Variants in SSC5D observed in about 807,000 individuals in gnomAD.
The protein encoded by SSC5D is soluble scavenger receptor cysteine-rich domain-containing protein SSC5D.
SSC5D carries 106 observed loss-of-function variants against 104.6 expected under a neutral mutation model. The observed-to-expected ratio is 1.01, with a 90% CI of 0.87 to 1.19. SSC5D has a LOEUF of 1.19. SSC5D is among the 50% of genes most tolerant of loss of function. SSC5D has a pLI of 0.00. For missense variants in SSC5D, 1,993 were observed against 2,153.8 expected (o/e 0.93, Z 1.48); for synonymous variants, 860 against 883.5 (o/e 0.97, Z 0.47).
chr19:55,500,668 C>T lies in SSC5D; in HGVS notation c.2481C>T (p.Tyr827=), dbSNP rs61738388. Residue 827 remains tyrosine (Y), a synonymous_variant, in exon 11 of 14, where the codon TAC becomes TAT. Transcript: ENST00000389623. This position sits in a 1 kb window ranked among gnomAD's most constrained non-coding sequence, Gnocchi z 4.6. ...KVRPRVGKTH[Y]GPGTGPIWLD... Reference sequence around the variant, plus strand: ...GGCCTCGAGTAGGCAAAACCCATTACGGCCCTGGGACTGGGCCCATCTGGC... The same window carrying T: ...GGCCTCGAGTAGGCAAAACCCATTATGGCCCTGGGACTGGGCCCATCTGGC... The T allele has an allele frequency of 9.3e-4, 1,448 of 1,551,720 alleles. 10 individuals carry two copies. In the African/African-American group the frequency reaches 0.017, roughly 18 times the overall value.
chr19:55,511,650 C>T lies in SSC5D; in HGVS notation c.2786-1361C>T, dbSNP rs544723221. The stretch of plus-strand genomic sequence containing the variant: ...GTGGAAGCAGGCATGTCTCCCTAAA[C>T]ACTGCAAACCTGCCCTCCTAACTCA... On this transcript the variant is annotated intron_variant, in intron 12 of 13. Coordinates refer to ENST00000389623, the MANE Select transcript of SSC5D (RefSeq NM_001144950.2). Among the ~76,000 whole-genome samples the T allele has an allele frequency of 4.6e-5, 7 of 152,286 alleles. No homozygotes were observed. The South Asian group carries it at 1.5e-3, about 32-fold the overall frequency.
At chr19:55,514,454 TAA>T (rs760410120) in intron 13 of SSC5D, among the ~76,000 whole-genome samples, 16,311 of 51,632 alleles carry the variant, frequency 0.32, 1,988 homozygotes, top group African/African-American at 0.5. Flanking sequence ...ATAATAATAA[TAA>T]TAGGTGTGGT....
intron 13 of SSC5D, among the ~76,000 whole-genome samples, chr19:55,515,396 C>CAAAA (rs71181781): frequency 1.2e-3 from 106 of 86,544 alleles, no homozygotes; most frequent in African/African-American, 5.1e-3. Flanking sequence ...AACTCCGTCT[C>CAAAA]AAAAAAAAAA....
intron 8 of SSC5D, 81 bp from the exon 9 acceptor site, chr19:55,497,799 G>C: frequency 7.7e-7 from 1 of 1,295,326 alleles, no homozygotes; most frequent in Non-Finnish European, 1.0e-6. Flanking sequence ...AAAGGAAGAT[G>C]GGGGGAGGGA....
rs952221512 is a variant in SSC5D, at chr19:55,518,888, C to T, written c.4612C>T (p.Leu1538=). ...LVEAARGLGQ[L]GEAVKRLAEM... is the part of the protein sequence containing the mutation. ...AGAAGCTGCCCGGGGTCTGGGGCAGCTGGGTGAGGCTGTGAAGAGACTGGC... is the reference window on the plus strand; with the variant it reads ...AGAAGCTGCCCGGGGTCTGGGGCAGTTGGGTGAGGCTGTGAAGAGACTGGC... Residue 1538 remains leucine (L), a synonymous_variant, in exon 14 of 14, where the codon CTG becomes TTG. Coordinates refer to ENST00000389623, the MANE Select transcript of SSC5D (RefSeq NM_001144950.2). 14 of 1,550,146 alleles carry T rather than the reference C, an allele frequency of 9.0e-6. No homozygotes were observed. Among genetic ancestry groups the T allele is most frequent in the Middle Eastern group, 3.3e-4 (2 of 6,014 alleles).
intron 9 of SSC5D, 43 bp from the exon 10 acceptor site, chr19:55,499,773 C>G: frequency 6.8e-7 from 1 of 1,474,748 alleles, no homozygotes; most frequent in Non-Finnish European, 9.2e-7. Flanking sequence ...ATCTTGTCAT[C>G]ATGGTGTCTC....
chr19:55,490,332 C>G lies in SSC5D; in HGVS notation c.510C>G (p.Ser170=). ...CAGCTGGGAACCCCCAGAACGCCTC[C>G]CGGAAGAAGAGCCCCCGGCCCAAGC... is the stretch of plus-strand genomic sequence containing the variant. ...PRPAGNPQNA[S]RKKSPRPKQA... The change falls in exon 5 of 14, where the codon TCC becomes TCG. Residue 170 remains serine (S), a synonymous_variant. Coordinates refer to ENST00000389623, the MANE Select transcript of SSC5D (RefSeq NM_001144950.2). The G allele has an allele frequency of 6.7e-7, 1 of 1,496,934 alleles. No homozygotes were observed. Among genetic ancestry groups the G allele is most frequent in the Non-Finnish European group, 9.1e-7 (1 of 1,101,654 alleles). The allele number at this position is 1,496,934 out of a possible 1,614,324, so 92.7% of individuals were successfully genotyped here. A position where few individuals can be genotyped will look rare whatever the true frequency, so the allele number is the denominator to read the frequency against.
At chr19:55,489,252 A>G in intron 2 of SSC5D, 102 bp from the exon 3 acceptor site, 4 of 1,305,756 alleles carry the variant, frequency 3.1e-6, no homozygotes, top group Non-Finnish European at 4.0e-6. Context: ...CCACTGGCCT[A>G]CAGACAGTAC....
intron 12 of SSC5D, among the ~76,000 whole-genome samples, chr19:55,507,362 A>AAG (rs1568482538): frequency 1.7e-4 from 25 of 144,814 alleles, no homozygotes; most frequent in African/African-American, 6.6e-4. Flanking sequence ...AAAAAAAAAA[A>AAG]GGATGGTTAA....
At position 55,489,490 on chromosome 19, in the gene SSC5D, C is replaced by T. The variant is rs928740512; in HGVS notation, c.189C>T (p.Cys63=). ...DAAVACRQLG[C]GGALAAPGGA... ...CCGTGGCCTGCCGGCAGCTGGGCTGCGGAGGGGCACTGGCCGCCCCGGGAG... is the reference window on the plus strand; with the variant it reads ...CCGTGGCCTGCCGGCAGCTGGGCTGTGGAGGGGCACTGGCCGCCCCGGGAG... Residue 63 remains cysteine (C), a synonymous_variant, in exon 3 of 14, where the codon TGC becomes TGT. Coordinates refer to ENST00000389623, the MANE Select transcript of SSC5D (RefSeq NM_001144950.2). 67 of 1,471,650 alleles carry T rather than the reference C, an allele frequency of 4.6e-5. No homozygotes were observed. The highest frequency in any genetic ancestry group is 1.3e-4 in the Admixed American group (5 of 39,696). 91.2% of individuals were successfully genotyped at this position (1,471,650 alleles called of 1,614,324 possible).
chr19:55,503,064 C>T lies in SSC5D; in HGVS notation c.2785+1863C>T, dbSNP rs555898924. Among the ~76,000 whole-genome samples, 4 of 152,206 alleles carry T rather than the reference C, an allele frequency of 2.6e-5. No individual in the cohort carries two copies. Among genetic ancestry groups the T allele is most frequent in the East Asian group, 3.9e-4 (2 of 5,164 alleles). On this transcript the variant is annotated intron_variant, in intron 12 of 13. Transcript: ENST00000389623. The surrounding 1 kb of genome is among the most constrained non-coding windows in gnomAD (Gnocchi z 4.0). ...TCCTGACCTCGTGATCCGCCTGCCT[C>T]GGCCTCCCAAAGTGCTGGGATTACA... is the stretch of plus-strand genomic sequence containing the variant.
chr19:55,499,415 G>A (rs1451119617), intron 9 of SSC5D, among the ~76,000 whole-genome samples: 1 of 152,196 alleles, frequency 6.6e-6, no homozygotes, highest in Non-Finnish European at 1.5e-5. Context: ...GTTCGGGAGT[G>A]GCCTGTCGGA....
At position 55,518,095 on chromosome 19, in the gene SSC5D, G is replaced by C. The variant is rs1204865579; in HGVS notation, c.3819G>C (p.Thr1273=). 4 of 1,383,648 alleles carry C rather than the reference G, an allele frequency of 2.9e-6. No individual in the cohort carries two copies. The highest frequency in any genetic ancestry group is 3.8e-6 in the Non-Finnish European group (4 of 1,054,380). 85.7% of individuals were successfully genotyped at this position (1,383,648 alleles called of 1,614,324 possible). ...CCTTCACCACCATGCAGCCCACCAC[G>C]ATGCCTCATCCCACCACGACCCCTC... ...PQPFTTMQPT[T]MPHPTTTPHP... Residue 1273 remains threonine, a synonymous_variant, in exon 14 of 14, where the codon ACG becomes ACC. Coordinates refer to ENST00000389623, the MANE Select transcript of SSC5D (RefSeq NM_001144950.2).
At chr19:55,505,881 C>T (rs965276443) in intron 12 of SSC5D, among the ~76,000 whole-genome samples, 6 of 151,664 alleles carry the variant, frequency 4.0e-5, no homozygotes, top group Non-Finnish European at 5.9e-5. Flanking sequence ...GGATTACAGG[C>T]GTGTGCCACC....
chr19:55,512,484 CTTTT>C (rs67986371), intron 12 of SSC5D, among the ~76,000 whole-genome samples: 5 of 140,142 alleles, frequency 3.6e-5, no homozygotes, highest in Non-Finnish European at 3.1e-5. Context: ...TAATAAATTC[CTTTT>C]TTTTTTTTTT....
rs1397812192 is a variant in SSC5D, at chr19:55,518,719, G to C, written c.4443G>C (p.Arg1481Ser). ...GTGTGGCCCCAACACCACCTGTAAG[G>C]GTCATGGCTTGTGAGCCACCTGCCC... ...GPCVAPTPPV[R>S]VMACEPPALV... Residue 1481 changes from arginine to serine, a missense_variant, in exon 14 of 14, where the codon AGG becomes AGC. Transcript: ENST00000389623. 2 of 1,551,090 alleles carry C rather than the reference G, an allele frequency of 1.3e-6. No homozygotes were observed. Among genetic ancestry groups the C allele is most frequent in the Admixed American group, 2.0e-5 (1 of 50,990 alleles).
rs769947846 is a variant in SSC5D, at chr19:55,501,029, C to G, written c.2618-5C>G. 41 of 1,551,742 alleles carry G rather than the reference C, an allele frequency of 2.6e-5. No individual in the cohort carries two copies. On this transcript the variant is annotated splice_polypyrimidine_tract_variant and splice_region_variant and intron_variant, in intron 11 of 13. Coordinates refer to ENST00000389623, the MANE Select transcript of SSC5D (RefSeq NM_001144950.2). ...GGGTCAACCATTACCCCAATTTCTC[C>G]AAAGGCTACACAGACTATGACGATT...
chr19:55,509,565 C>CT (rs34687130), intron 12 of SSC5D, among the ~76,000 whole-genome samples: 83,136 of 146,730 alleles, frequency 0.57, 24,408 homozygotes, highest in South Asian at 0.68. Context: ...TCTTTTTATT[C>CT]TTTTTTTTTT....
In SSC5D at chr19:55,518,829, G is replaced by T. The variant is rs748017648; in HGVS notation, c.4553G>T (p.Arg1518Leu). ...GTCGTGGAACAGGAGCGGCAGGAGCGCCAAGCCCTGCTGCTGGGGCTGACG... is the reference window on the plus strand; with the variant it reads ...GTCGTGGAACAGGAGCGGCAGGAGCTCCAAGCCCTGCTGCTGGGGCTGACG... ...TQVVEQERQERQALLLGLTQL... is the reference protein window; with the variant it reads ...TQVVEQERQELQALLLGLTQL... The change falls in exon 14 of 14, where the codon CGC becomes CTC. Residue 1518 changes from arginine (R) to leucine (L), a missense_variant. Arg to Leu is a moderately radical substitution (Grantham distance 102). This residue lies in a region of SSC5D where 349 missense variants were observed against 397.6 expected (regional missense o/e 0.88). Coordinates refer to ENST00000389623, the MANE Select transcript of SSC5D (RefSeq NM_001144950.2). 1 of 1,550,182 alleles carries T rather than the reference G, an allele frequency of 6.5e-7. No individual in the cohort carries two copies.
Sources: allele counts gnomAD v4.1 joint callset (sites outside exome capture counted in the v4.1 genomes callset), GRCh38; gene constraint gnomAD v4.1.1; regional missense constraint gnomAD v4.1.1; non-coding constraint Gnocchi (gnomAD v3.1); transcripts MANE v1.5; gene names NCBI Gene and HGNC (gene_info 2026-07-23, HGNC 2026-07-21).